PDE4DIP: variants seen among roughly 807,000 people sequenced by gnomAD.
PDE4DIP encodes phosphodiesterase 4D interacting protein.
A neutral mutation model predicts 221.4 loss-of-function variants in PDE4DIP; 59 were observed. The ratio of observed to expected loss-of-function variants is 0.27; its 90% confidence interval spans 0.22 to 0.33. PDE4DIP has a LOEUF of 0.33. Among genes scored for constraint, PDE4DIP ranks in the 10% least tolerant of loss-of-function variants. The pLI is 1.00. For synonymous variants in PDE4DIP, 404 were observed against 815.9 expected, an observed-to-expected ratio of 0.50 and a Z score of 8.60; for missense variants, 1,036 against 2,154.2, an observed-to-expected ratio of 0.48 and a Z score of 10.28.
intron 1 of PDE4DIP, among the ~76,000 whole-genome samples, chr1:148,901,856 C>T (rs1201163650): frequency 2.5e-5 from 3 of 122,328 alleles, no homozygotes; most frequent in South Asian, 3.0e-4. Context: ...CGTCAGACCT[C>T]ACACTCCAGA....
intron 5 of PDE4DIP, among the ~76,000 whole-genome samples, chr1:148,949,221 T>C (rs139604214): frequency 2.0e-5 from 3 of 151,568 alleles, no homozygotes; most frequent in Non-Finnish European, 4.4e-5. Context: ...AAGTATGTAA[T>C]ACATAATGTA....
intron 23 of PDE4DIP, among the ~76,000 whole-genome samples, chr1:148,999,424 T>C (rs1297418879): frequency 6.6e-6 from 1 of 152,222 alleles, no homozygotes; most frequent in Admixed American, 6.5e-5. Flanking sequence ...CTCATGTCGT[T>C]GTTTCATAGC....
intron 5 of PDE4DIP, among the ~76,000 whole-genome samples, chr1:148,958,042 A>G (rs1186608864): frequency 2.0e-5 from 3 of 148,830 alleles, no homozygotes; most frequent in Non-Finnish European, 4.4e-5. Flanking sequence ...CATTGTAAAC[A>G]TCTATTAATG....
intron 16 of PDE4DIP, among the ~76,000 whole-genome samples, chr1:148,972,981 A>G (rs1559097461): frequency 7.7e-6 from 1 of 130,586 alleles, no homozygotes; most frequent in Non-Finnish European, 1.6e-5. Context: ...TATATATATA[A>G]TGTTAGCATA....
At chr1:148,999,561 A>C (rs587721284) in intron 23 of PDE4DIP, among the ~76,000 whole-genome samples, 2 of 152,232 alleles carry the variant, frequency 1.3e-5, no homozygotes, top group East Asian at 3.9e-4. Context: ...TTTTTAAAAA[A>C]TTCTTGTGAT....
At chr1:148,976,677 G>A (rs2060232047) in intron 17 of PDE4DIP, among the ~76,000 whole-genome samples, 1 of 151,734 alleles carries the variant, frequency 6.6e-6, no homozygotes, top group African/African-American at 2.4e-5. Flanking sequence ...TAGTTATAGA[G>A]TATAGTAAGT....
rs1238121570 is a variant in PDE4DIP at position 149,013,977 on chromosome 1, A to G, written c.5266+1201A>G. On this transcript the variant is annotated intron_variant, in intron 32 of 43. Coordinates refer to ENST00000369354, the Ensembl canonical transcript of PDE4DIP. The stretch of plus-strand genomic sequence containing the variant: ...TAATTTTTGTATTTTTTGTAGAGAC[A>G]GGGTTTCGCCATGTTGCCAAGACTG... 3.3e-5 allele frequency among the ~76,000 whole-genome samples: 5 copies of G among 151,958 alleles called. No homozygotes were observed. The South Asian group carries it at 1.0e-3, about 32-fold the overall frequency.
chr1:148,954,369 C>T (rs2054582655), intron 5 of PDE4DIP, among the ~76,000 whole-genome samples: 1 of 151,928 alleles, frequency 6.6e-6, no homozygotes, highest in Non-Finnish European at 1.5e-5. Flanking sequence ...AGCCTTCATC[C>T]GCAAAATGCC....
chr1:148,983,466 A>G (rs2061429394), intron 21 of PDE4DIP: 1 of 152,416 alleles, frequency 6.6e-6, no homozygotes, highest in Admixed American at 6.5e-5. Context: ...TGACTAGAAT[A>G]TGGTACTAAC....
Position 148,926,947 on chromosome 1 carries a change from G to A in PDE4DIP, c.142-2250G>A, listed in dbSNP as rs59151412. 6.9e-4 allele frequency among the ~76,000 whole-genome samples: 101 copies of A among 146,386 alleles called. 1 individual carries two copies. The highest frequency in any genetic ancestry group is 2.0e-3 in the African/African-American group (78 of 39,476). ...TTCTTCATACAAAATTGAAATATGCGTGTTTCCATTTGTTAATCTTTTGGT... is the reference window on the plus strand; with the variant it reads ...TTCTTCATACAAAATTGAAATATGCATGTTTCCATTTGTTAATCTTTTGGT... On this transcript the variant is annotated intron_variant, in intron 1 of 43. Transcript: ENST00000369354.
At chr1:148,959,411 C>T (rs1490008314) in intron 5 of PDE4DIP, among the ~76,000 whole-genome samples, 1 of 151,822 alleles carries the variant, frequency 6.6e-6, no homozygotes, top group Non-Finnish European at 1.5e-5. Context: ...CAGTTGCTGG[C>T]AGGAAGGGAT....
At chr1:149,022,080 C>T (rs2073157507) in intron 37 of PDE4DIP, among the ~76,000 whole-genome samples, 1 of 150,316 alleles carries the variant, frequency 6.7e-6, no homozygotes, top group Non-Finnish European at 1.5e-5. Flanking sequence ...GACAGGCAGC[C>T]ATTCATGGAC....
intron 5 of PDE4DIP, among the ~76,000 whole-genome samples, chr1:148,951,514 T>C (rs2053231864): frequency 6.6e-6 from 1 of 152,244 alleles, no homozygotes; most frequent in African/African-American, 2.4e-5. Flanking sequence ...CGAGCTGCAT[T>C]CCCAGACACT....
intron 1 of PDE4DIP, among the ~76,000 whole-genome samples, chr1:148,925,900 T>G (rs479992): frequency 1.3e-4 from 20 of 152,002 alleles, no homozygotes; most frequent in African/African-American, 3.9e-4. Flanking sequence ...ACCTAATTCT[T>G]TCTGGCTTTA....
At chr1:148,953,953 C>T (rs782102384) in intron 5 of PDE4DIP, 3 of 1,370,510 alleles carry the variant, frequency 2.2e-6, no homozygotes, top group South Asian at 2.5e-5. Flanking sequence ...GCTAGCTGGC[C>T]TCTGGCTTCA....
intron 5 of PDE4DIP, among the ~76,000 whole-genome samples, chr1:148,955,460 G>A (rs587716792): frequency 6.6e-6 from 1 of 152,200 alleles, no homozygotes; most frequent in Non-Finnish European, 1.5e-5. Flanking sequence ...GGATTTTGGA[G>A]TGGAGAAGGA....
At chr1:148,844,511 G>A (rs1157682171) in intron 1 of PDE4DIP, 3 of 113,158 alleles carry the variant, frequency 2.7e-5, no homozygotes, top group African/African-American at 1.0e-4. Flanking sequence ...CGGGCGCCGC[G>A]CCGCTCTGAG....
intron 1 of PDE4DIP, among the ~76,000 whole-genome samples, chr1:148,904,966 A>G (rs2041393590): frequency 8.3e-6 from 1 of 120,202 alleles, no homozygotes. Flanking sequence ...TCTCAATCCT[A>G]TGAAATAGTG....
intron 21 of PDE4DIP, chr1:148,982,077 A>G (rs1210915387): frequency 2.0e-5 from 3 of 153,024 alleles, no homozygotes; most frequent in African/African-American, 4.8e-5. Context: ...ATCATAGTCA[A>G]CTTTTATCTC....
Sources: allele counts gnomAD v4.1 joint callset (sites outside exome capture counted in the v4.1 genomes callset), GRCh38; gene constraint gnomAD v4.1.1; transcripts MANE v1.5; gene names NCBI Gene and HGNC (gene_info 2026-07-23, HGNC 2026-07-21).